Variants in CACNA1C observed in about 807,000 individuals in gnomAD.
The protein encoded by CACNA1C is calcium voltage-gated channel subunit alpha1 C.
Under a neutral mutation model 229.0 loss-of-function variants are expected in CACNA1C, and 30 were observed. The observed-to-expected ratio is 0.13, with a 90% CI of 0.10 to 0.18. The LOEUF is 0.18. Ranked by LOEUF, CACNA1C falls within the 10% of genes least tolerant of loss-of-function variation. The probability of loss-of-function intolerance (pLI) is 1.00; values close to 1 mark genes in which losing one functional copy is unlikely to be tolerated. For synonymous variants in CACNA1C, 1,114 were observed against 1,132.5 expected (o/e 0.98, Z 0.33); for missense variants, 1,658 against 2,845.0 (o/e 0.58, Z 9.49).
At chr12:2,345,950 C>G (rs1291919846) in intron 3 of CACNA1C, among the ~76,000 whole-genome samples, 1 of 152,220 alleles carries the variant, frequency 6.6e-6, no homozygotes, top group Admixed American at 6.5e-5. Flanking sequence ...CCTCAGGACC[C>G]TGCCTGGCTA....
intron 5 of CACNA1C, among the ~76,000 whole-genome samples, chr12:2,466,530 C>T (rs2099551900): frequency 6.6e-6 from 1 of 152,240 alleles, no homozygotes; most frequent in Non-Finnish European, 1.5e-5. Flanking sequence ...AGGGAAGAGG[C>T]TCAAACCACA....
chr12:2,519,308 G>A lies in CACNA1C; in HGVS notation c.1390+6324G>A, dbSNP rs551108073. 5.0e-4 allele frequency among the ~76,000 whole-genome samples: 76 copies of A among 152,314 alleles called. 1 individual carries two copies. The highest frequency in any genetic ancestry group is 3.4e-3 in the Admixed American group (52 of 15,308). On this transcript the variant is annotated intron_variant, in intron 9 of 46. Coordinates refer to ENST00000399655, the MANE Select transcript of CACNA1C (RefSeq NM_000719.7). ...GAGTCACACGAACACACGCAAACGC[G>A]AGTGCATGCCATATGCCAGTTTTGG...
Position 2,575,651 on chromosome 12 carries a change from C to G in CACNA1C, c.1896-5939C>G, listed in dbSNP as rs562224800. Among the ~76,000 whole-genome samples the G allele has an allele frequency of 7.2e-5, 11 of 152,098 alleles. No individual in the cohort carries two copies. Among genetic ancestry groups the G allele is most frequent in the African/African-American group, 2.2e-4 (9 of 41,478 alleles). ...ACCGAAACTAAGAATTTTTTTTTAG[C>G]CTTCAGGATGAGAACATTTTGGGCA... On this transcript the variant is annotated intron_variant, in intron 13 of 46. Transcript: ENST00000399655. The surrounding 1 kb of genome is among the most constrained non-coding windows in gnomAD (Gnocchi z 4.0).
At chr12:2,318,528 G>A (rs1266130312) in intron 3 of CACNA1C, among the ~76,000 whole-genome samples, 5 of 152,248 alleles carry the variant, frequency 3.3e-5, no homozygotes, top group Admixed American at 6.5e-5. Context: ...TATATGCTAC[G>A]CCCTGTGCTA....
At chr12:2,176,032 T>C (rs552487221) in intron 3 of CACNA1C, among the ~76,000 whole-genome samples, 1 of 152,122 alleles carries the variant, frequency 6.6e-6, no homozygotes, top group East Asian at 1.9e-4. Flanking sequence ...AACAAATTGG[T>C]GTGCTATATA....
At chr12:2,603,439 T>C (rs1304382905) in intron 22 of CACNA1C, 1 of 152,238 alleles carries the variant, frequency 6.6e-6, no homozygotes, top group Non-Finnish European at 1.5e-5. Flanking sequence ...GGCCTGTCAT[T>C]CATTGTTTAG....
intron 9 of CACNA1C, among the ~76,000 whole-genome samples, chr12:2,535,573 G>A (rs1342144173): frequency 1.3e-5 from 2 of 148,438 alleles, no homozygotes; most frequent in African/African-American, 5.0e-5. Flanking sequence ...GGGTGTGGTT[G>A]TGTGGGCCTG....
intron 1 of CACNA1C, among the ~76,000 whole-genome samples, chr12:2,013,129 A>G (rs1241440890): frequency 6.6e-6 from 1 of 152,216 alleles, no homozygotes; most frequent in Non-Finnish European, 1.5e-5. Context: ...AACCCGTCTC[A>G]ATCTCCCTCT....
Position 2,275,457 on chromosome 12 carries a change from G to A in CACNA1C, c.477+155027G>A, listed in dbSNP as rs1486408599. 6.6e-6 allele frequency among the ~76,000 whole-genome samples: 1 copy of A among 152,116 alleles called. No homozygotes were observed. The highest frequency in any genetic ancestry group is 1.5e-5 in the Non-Finnish European group (1 of 68,032). ...CTGTACCGCATCGCTCTGTGCATGT[G>A]ACCTAGCTCTCTCCTGGCCCCCTGT... On this transcript the variant is annotated intron_variant, in intron 3 of 46. Coordinates refer to ENST00000399655, the MANE Select transcript of CACNA1C (RefSeq NM_000719.7). The surrounding 1 kb of genome is among the most constrained non-coding windows in gnomAD (Gnocchi z 4.1).
chr12:2,680,462 G>A (rs1320162615), intron 42 of CACNA1C: 1 of 1,563,892 alleles, frequency 6.4e-7, no homozygotes, highest in Non-Finnish European at 8.7e-7. Context: ...AGGGTTCCCT[G>A]GCGGGGCTGA....
chr12:1,984,991 T>C (rs973668018), intron 1 of CACNA1C, among the ~76,000 whole-genome samples: 1 of 151,628 alleles, frequency 6.6e-6, no homozygotes, highest in African/African-American at 2.4e-5. Flanking sequence ...AACATTATTA[T>C]CCTAGATGTA....
intron 3 of CACNA1C, among the ~76,000 whole-genome samples, chr12:2,377,126 G>T (rs1327874063): frequency 6.6e-6 from 1 of 152,138 alleles, no homozygotes; most frequent in African/African-American, 2.4e-5. Context: ...AGAAGGAAGG[G>T]CTGGGACACG....
chr12:2,167,934 A>G (rs566334348), intron 3 of CACNA1C, among the ~76,000 whole-genome samples: 2 of 152,164 alleles, frequency 1.3e-5, no homozygotes, highest in African/African-American at 4.8e-5. Context: ...GCAAATAGGT[A>G]TTTTTAATTT....
chr12:2,661,280 TACACACACAC>T (rs1210712672), intron 34 of CACNA1C, among the ~76,000 whole-genome samples: 1 of 123,416 alleles, frequency 8.1e-6, no homozygotes, highest in African/African-American at 3.2e-5. Context: ...TACACACACA[TACACACACAC>T]ACACACACAC....
intron 1 of CACNA1C, among the ~76,000 whole-genome samples, chr12:2,013,633 G>A (rs572477206): frequency 6.6e-6 from 1 of 152,284 alleles, no homozygotes; most frequent in African/African-American, 2.4e-5. Flanking sequence ...GGAATCTTGG[G>A]TGTTTTCAGG....
intron 21 of CACNA1C, among the ~76,000 whole-genome samples, chr12:2,599,287 A>C (rs887365479): frequency 6.6e-6 from 1 of 152,144 alleles, no homozygotes; most frequent in East Asian, 1.9e-4. Context: ...CCTCCTTCCC[A>C]CTGGGTCCCT....
chr12:1,979,970 A>G (rs994198628), intron 1 of CACNA1C, among the ~76,000 whole-genome samples: 9 of 152,346 alleles, frequency 5.9e-5, no homozygotes, highest in Admixed American at 1.3e-4. Context: ...AAAACAAACA[A>G]TATCAAGTTT....
chr12:2,473,230 T>C (rs2099602372), intron 5 of CACNA1C, among the ~76,000 whole-genome samples: 1 of 152,178 alleles, frequency 6.6e-6, no homozygotes, highest in Admixed American at 6.5e-5. Context: ...ACCTTGTACC[T>C]GTACAACCCA....
chr12:2,145,407 T>G (rs2094610192), intron 3 of CACNA1C, among the ~76,000 whole-genome samples: 1 of 151,242 alleles, frequency 6.6e-6, no homozygotes, highest in Admixed American at 6.7e-5. Context: ...GTTAGAGCTG[T>G]TTTATCTCAA....
Sources: gnomAD v4.1 joint callset for allele counts (sites outside exome capture counted in the v4.1 genomes callset) on GRCh38, gnomAD v4.1.1 for gene constraint, Gnocchi (gnomAD v3.1) non-coding constraint, MANE v1.5 for transcripts, NCBI Gene and HGNC (gene_info 2026-07-23, HGNC 2026-07-21) for gene names.